The following ZSWIM5 variants were observed in gnomAD, a reference collection of about 807,000 sequenced individuals.
ZSWIM5 encodes the protein zinc finger SWIM domain-containing protein 5.
Under a neutral mutation model 119.6 loss-of-function variants are expected in ZSWIM5, and 55 were observed. The ratio of observed to expected loss-of-function variants is 0.46; its 90% CI spans 0.37 to 0.58. The LOEUF is 0.58. ZSWIM5 is among the 20% of genes least tolerant of loss of function. The probability of loss-of-function intolerance (pLI) is 0.00; values close to 1 mark genes in which losing one functional copy is unlikely to be tolerated. For synonymous variants in ZSWIM5, 537 were observed against 606.9 expected (o/e 0.88, Z 1.69); for missense variants, 1,193 against 1,512.8 (o/e 0.79, Z 3.51).
At chr1:45,025,392 T>C (rs1361696549) in intron 11 of ZSWIM5, among the ~76,000 whole-genome samples, 2 of 152,232 alleles carry the variant, frequency 1.3e-5, no homozygotes, top group Non-Finnish European at 2.9e-5. Flanking sequence ...GTGTTAAATC[T>C]ATAGATCACA....
At chr1:45,132,935 A>C (rs2149031396) in intron 1 of ZSWIM5, among the ~76,000 whole-genome samples, 1 of 152,270 alleles carries the variant, frequency 6.6e-6, no homozygotes, top group Non-Finnish European at 1.5e-5. Flanking sequence ...CCTACAAAGG[A>C]CATGAACTCA....
intron 11 of ZSWIM5, among the ~76,000 whole-genome samples, chr1:45,022,887 A>G (rs1330504488): frequency 4.6e-5 from 7 of 152,236 alleles, no homozygotes; most frequent in Admixed American, 3.9e-4. Context: ...CAATGCCTAT[A>G]CATCATTACA....
chr1:45,182,110 T>C lies in ZSWIM5; in HGVS notation c.595+23646A>G, dbSNP rs994774589. Among the ~76,000 whole-genome samples, 4 of 152,296 alleles carry C rather than the reference T, an allele frequency of 2.6e-5. No individual in the cohort carries two copies. The East Asian group carries it at 7.7e-4, about 29-fold the overall frequency. On this transcript the variant is annotated intron_variant, in intron 1 of 13. Transcript: ENST00000359600. Reference sequence around the variant, plus strand: ...TAACTTTAAATGTAAATGGACTAAATGCTCCAATTAAAAGACACAGACTGG... The same window carrying C: ...TAACTTTAAATGTAAATGGACTAAACGCTCCAATTAAAAGACACAGACTGG...
rs796838666 is a variant in ZSWIM5 at position 45,127,086 on chromosome 1, C to T, written c.596-38849G>A. Among the ~76,000 whole-genome samples, 22 of 152,212 alleles carry T rather than the reference C, an allele frequency of 1.4e-4. 1 individual carries two copies. Among genetic ancestry groups the T allele is most frequent in the African/African-American group, 5.3e-4 (22 of 41,518 alleles). ...AGTAAGAAAACTAAGGACAAATATCCCTCATAAATATGAGACAAAAATCCT... is the reference window on the plus strand; with the variant it reads ...AGTAAGAAAACTAAGGACAAATATCTCTCATAAATATGAGACAAAAATCCT... On this transcript the variant is annotated intron_variant, in intron 1 of 13. Coordinates refer to ENST00000359600, the MANE Select transcript of ZSWIM5 (RefSeq NM_020883.2).
intron 1 of ZSWIM5, among the ~76,000 whole-genome samples, chr1:45,139,280 A>G (rs1435174891): frequency 7.9e-5 from 12 of 152,114 alleles, no homozygotes; most frequent in Non-Finnish European, 8.8e-5. Flanking sequence ...CTCTGGGCTC[A>G]AGTGATCTTC....
intron 1 of ZSWIM5, among the ~76,000 whole-genome samples, chr1:45,092,539 C>CA (rs1553193655): frequency 4.6e-5 from 2 of 43,310 alleles, no homozygotes; most frequent in Non-Finnish European, 1.1e-4. Context: ...TCGTGATCCA[C>CA]CCCCCCCCCC....
intron 12 of ZSWIM5, among the ~76,000 whole-genome samples, 165 bp downstream of exon 12, chr1:45,020,460 C>G (rs1644881227): frequency 1.3e-5 from 2 of 152,192 alleles, no homozygotes; most frequent in Admixed American, 1.3e-4. Context: ...AAAAGTGGAG[C>G]CCAATTTATG....
intron 2 of ZSWIM5, among the ~76,000 whole-genome samples, chr1:45,076,156 G>A (rs530114779): frequency 6.6e-4 from 101 of 152,116 alleles, no homozygotes; most frequent in African/African-American, 1.4e-3. Flanking sequence ...TACACATCAC[G>A]GTTACAATGT....
At chr1:45,184,935 T>C (rs1191677305) in intron 1 of ZSWIM5, among the ~76,000 whole-genome samples, 2 of 152,092 alleles carry the variant, frequency 1.3e-5, no homozygotes, top group African/African-American at 4.8e-5. Context: ...AGAGCCCTCA[T>C]TGCCAAGTCA....
At chr1:45,029,370 T>G (rs1273375018) in intron 11 of ZSWIM5, among the ~76,000 whole-genome samples, 2 of 152,214 alleles carry the variant, frequency 1.3e-5, no homozygotes, top group Non-Finnish European at 2.9e-5. Flanking sequence ...TCCTGATGTT[T>G]CCTTATTAGA....
intron 4 of ZSWIM5, among the ~76,000 whole-genome samples, chr1:45,054,597 A>C (rs1645110353): frequency 6.6e-6 from 1 of 152,138 alleles, no homozygotes. Context: ...ACAACAACAA[A>C]AAATTTTAAA....
At chr1:45,194,367 A>C (rs1646109822) in intron 1 of ZSWIM5, among the ~76,000 whole-genome samples, 1 of 152,334 alleles carries the variant, frequency 6.6e-6, no homozygotes. Flanking sequence ...TACCTAAAAG[A>C]AGCAACAATT....
Position 45,048,080 on chromosome 1 carries a change from CT to C in ZSWIM5, c.1432+2993del, listed in dbSNP as rs1557747966. Among the ~76,000 whole-genome samples, 10 of 4,262 alleles carry C rather than the reference CT, an allele frequency of 2.3e-3. 1 individual carries two copies. The highest frequency in any genetic ancestry group is 0.021 in the Admixed American group (7 of 326). The allele number at this position is 4,262 out of a possible 152,430, so 2.8% of individuals were successfully genotyped here. A position where few individuals can be genotyped will look rare whatever the true frequency, so the allele number is the denominator to read the frequency against. On this transcript the variant is annotated intron_variant, in intron 5 of 13. Coordinates refer to ENST00000359600, the MANE Select transcript of ZSWIM5 (RefSeq NM_020883.2). ...TTCTTTCTTTCTTTCCTTTTCTTTT[CT>C]CTTTTTTTTTTTTTTTTTTTGAGAC...
At chr1:45,061,439 C>T (rs191573224) in intron 2 of ZSWIM5, among the ~76,000 whole-genome samples, 2 of 150,582 alleles carry the variant, frequency 1.3e-5, no homozygotes, top group South Asian at 2.1e-4. Context: ...GGCACGATCT[C>T]GGCTCACTGC....
intron 1 of ZSWIM5, among the ~76,000 whole-genome samples, chr1:45,113,368 TTTTA>T (rs1216566696): frequency 4.6e-5 from 7 of 152,156 alleles, no homozygotes; most frequent in Non-Finnish European, 1.0e-4. Context: ...GCCATTTAAA[TTTTA>T]TTTATTTATT....
chr1:45,067,970 A>G (rs1645195201), intron 2 of ZSWIM5, among the ~76,000 whole-genome samples: 1 of 152,068 alleles, frequency 6.6e-6, no homozygotes. Context: ...GATAGAAAGG[A>G]TGTCTTTTAT....
chr1:45,139,463 CCTCT>C (rs1553197877), intron 1 of ZSWIM5, among the ~76,000 whole-genome samples: 9 of 141,494 alleles, frequency 6.4e-5, no homozygotes, highest in Non-Finnish European at 1.4e-4. Context: ...CCTCTCCCTC[CCTCT>C]CTCTCTCTTT....
intron 1 of ZSWIM5, among the ~76,000 whole-genome samples, chr1:45,175,630 T>G (rs1645975492): frequency 6.6e-6 from 1 of 151,896 alleles, no homozygotes; most frequent in African/African-American, 2.4e-5. Flanking sequence ...TTTTAAAATT[T>G]TTGTAGAGAC....
chr1:45,063,930 C>T (rs1645167410), intron 2 of ZSWIM5, among the ~76,000 whole-genome samples: 1 of 151,246 alleles, frequency 6.6e-6, no homozygotes, highest in African/African-American at 2.4e-5. Context: ...TGCAGTGAGC[C>T]GAGATTGCGC....
Sources: gnomAD v4.1 joint callset for allele counts (sites outside exome capture counted in the v4.1 genomes callset) on GRCh38, gnomAD v4.1.1 for gene constraint, MANE v1.5 for transcripts, NCBI Gene and HGNC (gene_info 2026-07-23, HGNC 2026-07-21) for gene names.